EPC2: variants seen among roughly 807,000 people sequenced by gnomAD.
EPC2 encodes enhancer of polycomb homolog 2.
EPC2 carries 14 observed loss-of-function variants against 92.1 expected under a neutral mutation model. The ratio of observed to expected loss-of-function variants is 0.15; its 90% CI spans 0.10 to 0.24. EPC2 has a LOEUF of 0.24. Among genes scored for constraint, EPC2 ranks in the 10% least tolerant of loss-of-function variants. The pLI is 1.00. For missense variants in EPC2, 755 were observed against 971.5 expected (o/e 0.78, Z 2.96); for synonymous variants, 340 against 334.7 (o/e 1.02, Z -0.17).
chr2:148,766,314 C>T (rs1029946067), intron 7 of EPC2, among the ~76,000 whole-genome samples: 1 of 152,162 alleles, frequency 6.6e-6, no homozygotes, highest in African/African-American at 2.4e-5. Context: ...CTGGAGTTTG[C>T]ATAAAATGTG....
At chr2:148,706,601 G>A (rs1682005387) in intron 2 of EPC2, among the ~76,000 whole-genome samples, 1 of 152,162 alleles carries the variant, frequency 6.6e-6, no homozygotes, top group African/African-American at 2.4e-5. Context: ...CAGAGAGAAA[G>A]GTCGGGTTAC....
chr2:148,654,918 G>A (rs1425508623), intron 1 of EPC2, among the ~76,000 whole-genome samples: 1 of 152,140 alleles, frequency 6.6e-6, no homozygotes, highest in Non-Finnish European at 1.5e-5. Flanking sequence ...TGATTAGTTA[G>A]TTATGGGAAA....
At chr2:148,752,637 A>C (rs997787058) in intron 3 of EPC2, among the ~76,000 whole-genome samples, 1 of 152,182 alleles carries the variant, frequency 6.6e-6, no homozygotes, top group African/African-American at 2.4e-5. Context: ...GACATGGACT[A>C]CAATACTTGA....
intron 2 of EPC2, among the ~76,000 whole-genome samples, chr2:148,700,413 C>G (rs1681848064): frequency 6.6e-6 from 1 of 151,928 alleles, no homozygotes. Context: ...GGTATAAGTT[C>G]TATATCTAGA....
chr2:148,673,111 TTC>T (rs1468250704), intron 1 of EPC2, among the ~76,000 whole-genome samples: 1 of 152,236 alleles, frequency 6.6e-6, no homozygotes. Flanking sequence ...ACTTTCAAGA[TTC>T]TCTGTCTTTG....
Position 148,645,012 on chromosome 2 carries a change from G to C in EPC2, c.-6G>C. 1 of 1,549,492 alleles carries C rather than the reference G, an allele frequency of 6.5e-7. No homozygotes were observed. The highest frequency in any genetic ancestry group is 8.7e-7 in the Non-Finnish European group (1 of 1,145,946). On this transcript the variant is annotated 5_prime_UTR_variant, in exon 1 of 14. Coordinates refer to ENST00000258484, the MANE Select transcript of EPC2 (RefSeq NM_015630.4). ...GCCCGGGCTGTTCCTGTAAGGCGGG[G>C]AGACAATGAGTAAACTCTCCTTCCG...
chr2:148,676,388 C>G (rs1681261719), intron 1 of EPC2, among the ~76,000 whole-genome samples: 1 of 151,124 alleles, frequency 6.6e-6, no homozygotes, highest in African/African-American at 2.4e-5. Flanking sequence ...TTTTGTGTAT[C>G]TTGGTGAAGA....
chr2:148,725,062 C>T (rs921273294), intron 2 of EPC2, among the ~76,000 whole-genome samples: 7 of 151,946 alleles, frequency 4.6e-5, no homozygotes, highest in Middle Eastern at 3.2e-3. Flanking sequence ...ATTGAAATAT[C>T]GATGAATTTT....
intron 1 of EPC2, among the ~76,000 whole-genome samples, chr2:148,647,489 G>T (rs538270011): frequency 7.9e-5 from 12 of 151,998 alleles, no homozygotes; most frequent in Admixed American, 7.9e-4. Context: ...TGTATTTTTA[G>T]TAGAGTCGGG....
At chr2:148,733,805 T>G (rs1682695911) in intron 2 of EPC2, among the ~76,000 whole-genome samples, 2 of 152,114 alleles carry the variant, frequency 1.3e-5, no homozygotes, top group African/African-American at 4.8e-5. Flanking sequence ...TATTATTACT[T>G]TTAAAATTAT....
intron 2 of EPC2, among the ~76,000 whole-genome samples, chr2:148,738,007 G>T (rs144167182): frequency 5.1e-4 from 77 of 152,218 alleles, no homozygotes; most frequent in Middle Eastern, 6.8e-3. Flanking sequence ...GTCCCCTGCA[G>T]CCATTTTATA....
At chr2:148,668,686 A>G (rs1681098453) in intron 1 of EPC2, among the ~76,000 whole-genome samples, 1 of 152,148 alleles carries the variant, frequency 6.6e-6, no homozygotes, top group African/African-American at 2.4e-5. Flanking sequence ...CTTTTCAGCT[A>G]GTTGTTGAAT....
At chr2:148,745,858 T>TA (rs1682976272) in intron 3 of EPC2, among the ~76,000 whole-genome samples, 1 of 152,104 alleles carries the variant, frequency 6.6e-6, no homozygotes, top group African/African-American at 2.4e-5. Context: ...CGACAAAAGA[T>TA]AGACTTAGGC....
chr2:148,775,312 A>G (rs1683608636), intron 10 of EPC2, among the ~76,000 whole-genome samples: 1 of 152,070 alleles, frequency 6.6e-6, no homozygotes, highest in Non-Finnish European at 1.5e-5. Flanking sequence ...TTAATAGCAC[A>G]TGCAAATATT....
intron 3 of EPC2, among the ~76,000 whole-genome samples, chr2:148,746,782 G>A (rs558132540): frequency 6.6e-6 from 1 of 151,958 alleles, no homozygotes; most frequent in East Asian, 1.9e-4. Context: ...CATGATATGT[G>A]TAACTTCCCA....
chr2:148,696,610 G>T (rs1280465143), intron 2 of EPC2, among the ~76,000 whole-genome samples: 1 of 152,184 alleles, frequency 6.6e-6, no homozygotes, highest in Non-Finnish European at 1.5e-5. Context: ...CATAAAGGGT[G>T]CATGATTCTT....
At chr2:148,724,139 C>T (rs193060932) in intron 2 of EPC2, among the ~76,000 whole-genome samples, 21 of 152,070 alleles carry the variant, frequency 1.4e-4, no homozygotes, top group Non-Finnish European at 2.5e-4. Flanking sequence ...GAGAGCAGTT[C>T]CTCAAATGCT....
chr2:148,711,103 C>T (rs1193278474), intron 2 of EPC2, among the ~76,000 whole-genome samples: 1 of 151,334 alleles, frequency 6.6e-6, no homozygotes, highest in Non-Finnish European at 1.5e-5. Flanking sequence ...TTAATTTCTC[C>T]TCTTTTTTTT....
intron 2 of EPC2, among the ~76,000 whole-genome samples, chr2:148,694,493 C>T (rs1487633765): frequency 6.6e-6 from 1 of 152,104 alleles, no homozygotes; most frequent in Non-Finnish European, 1.5e-5. Flanking sequence ...AGTTGTGTGC[C>T]ACATGCAGAA....
Sources: gnomAD v4.1 joint callset for allele counts (sites outside exome capture counted in the v4.1 genomes callset) on GRCh38, gnomAD v4.1.1 for gene constraint, MANE v1.5 for transcripts, NCBI Gene and HGNC (gene_info 2026-07-23, HGNC 2026-07-21) for gene names.